Variants in MLEC observed in about 807,000 individuals in gnomAD.
MLEC encodes malectin.
In MLEC, 7 loss-of-function variants were observed where a neutral mutation model predicts 28.7. That is an observed-to-expected ratio of 0.24 (90% CI 0.14 to 0.46). The LOEUF (loss-of-function observed/expected upper bound fraction) is 0.46. Ranked by LOEUF, MLEC falls within the 20% of genes least tolerant of loss-of-function variation. The pLI is 0.99. For synonymous variants in MLEC, 142 were observed against 164.4 expected, an observed-to-expected ratio of 0.86 and a Z score of 1.04; for missense variants, 237 against 391.1, an observed-to-expected ratio of 0.61 and a Z score of 3.32.
chr12:120,693,930 C>T, intron 1 of MLEC, 161 bp from the exon 2 acceptor site: 2 of 589,066 alleles, frequency 3.4e-6, no homozygotes, highest in South Asian at 2.3e-5. Context: ...TGATTCCTGC[C>T]TTTGTTGGAG....
At position 120,701,680 on chromosome 12, in the gene MLEC, G is replaced by A. The variant is rs1022581280; in HGVS notation, c.*5135G>A. The A allele has an allele frequency of 2.0e-5, 3 of 152,718 alleles. No individual in the cohort carries two copies. Among genetic ancestry groups the A allele is most frequent in the African/African-American group, 7.2e-5 (3 of 41,434 alleles). 9.5% of individuals were successfully genotyped at this position (152,718 alleles called of 1,614,324 possible). A position where few individuals can be genotyped will look rare whatever the true frequency, so the allele number is the denominator to read the frequency against. ...GCGGCACAGTGAGATATAACTGATG[G>A]GCTTTGAACCTGGTTGGCCGGGGAA... On this transcript the variant is annotated 3_prime_UTR_variant, in exon 5 of 5. Transcript: ENST00000228506. This position sits in a 1 kb window ranked among gnomAD's most constrained non-coding sequence, Gnocchi z 4.0.
At chr12:120,693,698 C>G (rs1299591744) in intron 1 of MLEC, among the ~76,000 whole-genome samples, 1 of 152,180 alleles carries the variant, frequency 6.6e-6, no homozygotes, top group African/African-American at 2.4e-5. Flanking sequence ...GGCCATCCCC[C>G]TTGTTTTAGG....
rs548997455 is a variant in MLEC, at chr12:120,694,768, T to C, written c.415-56T>C. The C allele has an allele frequency of 1.3e-6, 2 of 1,517,918 alleles. No individual in the cohort carries two copies. Among genetic ancestry groups the C allele is most frequent in the South Asian group, 2.5e-5 (2 of 79,928 alleles). The allele number at this position is 1,517,918 out of a possible 1,614,324, so 94.0% of individuals were successfully genotyped here. On this transcript the variant is annotated intron_variant, in intron 2 of 4. Coordinates refer to ENST00000228506, the MANE Select transcript of MLEC (RefSeq NM_014730.4). This position sits in a 1 kb window ranked among gnomAD's most constrained non-coding sequence, Gnocchi z 4.5. ...AAACACGTGCATGATGTCCAACTGC[T>C]TGAAAGGATGTAAAGCTGATGGTTT...
chr12:120,687,600 C>T lies in MLEC; in HGVS notation c.235+69C>T, dbSNP rs1881875345. 8.6e-6 allele frequency: 11 copies of T among 1,276,156 alleles called. No homozygotes were observed. The highest frequency in any genetic ancestry group is 7.0e-5 in the South Asian group (4 of 56,918). 79.1% of individuals were successfully genotyped at this position (1,276,156 alleles called of 1,614,324 possible). The stretch of plus-strand genomic sequence containing the variant: ...GCTGGGCGCAGCCGGCCGGGGGCTG[C>T]GGGCCCCGAGCCCCTTTCGACCCTG... On this transcript the variant is annotated intron_variant, in intron 1 of 4. Transcript: ENST00000228506. The surrounding 1 kb of genome is among the most constrained non-coding windows in gnomAD (Gnocchi z 8.1).
rs1592921220 is a variant in MLEC at position 120,699,514 on chromosome 12, G to GT, written c.*2971dup. 1 of 152,294 alleles carries GT rather than the reference G, an allele frequency of 6.6e-6. No homozygotes were observed. Among genetic ancestry groups the GT allele is most frequent in the African/African-American group, 2.4e-5 (1 of 41,470 alleles). 9.4% of individuals were successfully genotyped at this position (152,294 alleles called of 1,614,324 possible). On this transcript the variant is annotated 3_prime_UTR_variant, in exon 5 of 5. Coordinates refer to ENST00000228506, the MANE Select transcript of MLEC (RefSeq NM_014730.4). The stretch of plus-strand genomic sequence containing the variant: ...TAGCTCTGACTTAGGTCAGGGGCCT[G>GT]TTGGTCTCTCATTGGACGTTTTTGG...
chr12:120,694,523 G>C lies in MLEC; in HGVS notation c.414+254G>C. Among the ~76,000 whole-genome samples the C allele has an allele frequency of 6.6e-6, 1 of 152,098 alleles. No homozygotes were observed. The highest frequency in any genetic ancestry group is 1.5e-5 in the Non-Finnish European group (1 of 68,018). ...TGGCTACTTCCCTCCATGGTTTGCC[G>C]CACCTTCTTGTTTTTAGCCTTATTT... is the stretch of plus-strand genomic sequence containing the variant. On this transcript the variant is annotated intron_variant, in intron 2 of 4. Transcript: ENST00000228506. The surrounding 1 kb of genome is among the most constrained non-coding windows in gnomAD (Gnocchi z 4.5).
At position 120,696,403 on chromosome 12, in the gene MLEC, A is replaced by G; in HGVS notation, c.737A>G (p.Lys246Arg). Residue 246 changes from lysine (K) to arginine (R), a missense_variant, in exon 5 of 5, where the codon AAA becomes AGA. Physicochemically the swap from Lys to Arg is conservative, Grantham distance 26. Coordinates refer to ENST00000228506, the MANE Select transcript of MLEC (RefSeq NM_014730.4). The surrounding 1 kb of genome is among the most constrained non-coding windows in gnomAD (Gnocchi z 5.4). ...GAATATGATGAAGGGTCTAATCTCA[A>G]AAAACAGACCAATAAGAACCGGGTG... is the stretch of plus-strand genomic sequence containing the variant. ...EEEYDEGSNL[K>R]KQTNKNRVQS... 1 of 1,614,184 alleles carries G rather than the reference A, an allele frequency of 6.2e-7. No individual in the cohort carries two copies. The highest frequency in any genetic ancestry group is 8.5e-7 in the Non-Finnish European group (1 of 1,180,036).
intron 1 of MLEC, among the ~76,000 whole-genome samples, chr12:120,692,217 G>A (rs889867994): frequency 6.6e-6 from 1 of 152,176 alleles, no homozygotes; most frequent in African/African-American, 2.4e-5. Flanking sequence ...AAAATTTTCT[G>A]TGTATCCGTA....
rs142383646 is a variant in MLEC at position 120,695,518 on chromosome 12, A to T, written c.649+366A>T. 6.4e-3 allele frequency among the ~76,000 whole-genome samples: 979 copies of T among 152,314 alleles called. 5 individuals are homozygous for T. The highest frequency in any genetic ancestry group is 0.01 in the Middle Eastern group (3 of 294). On this transcript the variant is annotated intron_variant, in intron 4 of 4. Coordinates refer to ENST00000228506, the MANE Select transcript of MLEC (RefSeq NM_014730.4). ...TGACATCTCTTTCCTAGGGGAAAAAAAGGTAAAAGGAGGAGTCCTGTAGGC... is the reference window on the plus strand; with the variant it reads ...TGACATCTCTTTCCTAGGGGAAAAATAGGTAAAAGGAGGAGTCCTGTAGGC...
intron 1 of MLEC, among the ~76,000 whole-genome samples, chr12:120,692,500 C>G (rs1287148641): frequency 6.6e-6 from 1 of 151,976 alleles, no homozygotes; most frequent in Admixed American, 6.6e-5. Context: ...CTTCCATTGT[C>G]TCATCAGTCC....
intron 1 of MLEC, among the ~76,000 whole-genome samples, chr12:120,688,914 G>A (rs1173881700): frequency 6.9e-6 from 1 of 144,450 alleles, no homozygotes; most frequent in African/African-American, 2.4e-5. Context: ...TATAGCAGGA[G>A]GTCATTACTA....
rs1333697567 is a variant in MLEC, at chr12:120,701,649, T to C, written c.*5104T>C. On this transcript the variant is annotated 3_prime_UTR_variant, in exon 5 of 5. Coordinates refer to ENST00000228506, the MANE Select transcript of MLEC (RefSeq NM_014730.4). This position sits in a 1 kb window ranked among gnomAD's most constrained non-coding sequence, Gnocchi z 4.0. ...TCTTTGCCAGCAGCCACAACATGCA[T>C]TGACAGCGGCACAGTGAGATATAAC... 1 of 152,648 alleles carries C rather than the reference T, an allele frequency of 6.6e-6. No homozygotes were observed. Among genetic ancestry groups the C allele is most frequent in the Non-Finnish European group, 1.5e-5 (1 of 68,118 alleles). 9.5% of individuals were successfully genotyped at this position (152,648 alleles called of 1,614,324 possible). A position where few individuals can be genotyped will look rare whatever the true frequency, so the allele number is the denominator to read the frequency against.
chr12:120,691,780 A>G (rs1292637863), intron 1 of MLEC, among the ~76,000 whole-genome samples: 1 of 152,054 alleles, frequency 6.6e-6, no homozygotes, highest in Non-Finnish European at 1.5e-5. Flanking sequence ...TTTTGTTCAC[A>G]TGGTTGAGTT....
In MLEC at chr12:120,695,162, G is replaced by A; in HGVS notation, c.649+10G>A. 1.9e-6 allele frequency: 3 copies of A among 1,614,148 alleles called. No homozygotes were observed. The highest frequency in any genetic ancestry group is 2.5e-6 in the Non-Finnish European group (3 of 1,180,008). The stretch of plus-strand genomic sequence containing the variant: ...GCTGGGACAGTGGATGGTAGGTTGT[G>A]TTCTGACCTGCTTTTTTGACTTGAG... On this transcript the variant is annotated intron_variant, in intron 4 of 4. Coordinates refer to ENST00000228506, the MANE Select transcript of MLEC (RefSeq NM_014730.4).
rs967352642 is a variant in MLEC at position 120,697,819 on chromosome 12, T to C, written c.*1274T>C. 5.3e-5 allele frequency: 8 copies of C among 152,256 alleles called. No homozygotes were observed. Among genetic ancestry groups the C allele is most frequent in the African/African-American group, 1.7e-4 (7 of 41,452 alleles). 9.4% of individuals were successfully genotyped at this position (152,256 alleles called of 1,614,324 possible). A position where few individuals can be genotyped will look rare whatever the true frequency, so the allele number is the denominator to read the frequency against. On this transcript the variant is annotated 3_prime_UTR_variant, in exon 5 of 5. Transcript: ENST00000228506. The surrounding 1 kb of genome is among the most constrained non-coding windows in gnomAD (Gnocchi z 4.8). Reference sequence around the variant, plus strand: ...CTAATTAGCTATATAGGCCCAGCGATGCTTCTTATTGATCTTAATAGTATG... The same window carrying C: ...CTAATTAGCTATATAGGCCCAGCGACGCTTCTTATTGATCTTAATAGTATG...
chr12:120,693,059 T>C (rs1246540394), intron 1 of MLEC, among the ~76,000 whole-genome samples: 2 of 152,236 alleles, frequency 1.3e-5, no homozygotes, highest in African/African-American at 2.4e-5. Flanking sequence ...TATATACAAC[T>C]GTCTTACACC....
Position 120,696,692 on chromosome 12 carries a change from G to A in MLEC, c.*147G>A. 8.3e-7 allele frequency: 1 copy of A among 1,211,332 alleles called. No homozygotes were observed. The highest frequency in any genetic ancestry group is 1.1e-6 in the Non-Finnish European group (1 of 880,830). 75.0% of individuals were successfully genotyped at this position (1,211,332 alleles called of 1,614,324 possible). On this transcript the variant is annotated 3_prime_UTR_variant, in exon 5 of 5. Coordinates refer to ENST00000228506, the MANE Select transcript of MLEC (RefSeq NM_014730.4). This position sits in a 1 kb window ranked among gnomAD's most constrained non-coding sequence, Gnocchi z 5.4. Reference sequence around the variant, plus strand: ...CAATTAAAGGAGACAAAAAGAGGCAGAGCGAGTAGAGAGCAGCCCTCATTC... The same window carrying A: ...CAATTAAAGGAGACAAAAAGAGGCAAAGCGAGTAGAGAGCAGCCCTCATTC...
intron 1 of MLEC, among the ~76,000 whole-genome samples, chr12:120,691,714 C>T (rs542057863): frequency 8.5e-5 from 13 of 152,336 alleles, no homozygotes; most frequent in African/African-American, 2.9e-4. Context: ...CTTGGGAAAG[C>T]CACTTGGGTT....
At position 120,687,431 on chromosome 12, in the gene MLEC, C is replaced by G. The variant is rs777689253; in HGVS notation, c.135C>G (p.Pro45=). 7.1e-7 allele frequency: 1 copy of G among 1,404,248 alleles called. No individual in the cohort carries two copies. The highest frequency in any genetic ancestry group is 1.5e-5 in the African/African-American group (1 of 66,810). 87.0% of individuals were successfully genotyped at this position (1,404,248 alleles called of 1,614,324 possible). The part of the protein sequence containing the change: ...GVAGAAGAGL[P]ESVIWAVNAG... ...CCGGCGCGGCGGGGGCCGGGCTGCC[C>G]GAGAGCGTCATTTGGGCGGTCAACG... The change falls in exon 1 of 5, where the codon CCC becomes CCG. Residue 45 remains proline (P), a synonymous_variant. Transcript: ENST00000228506. The surrounding 1 kb of genome is among the most constrained non-coding windows in gnomAD (Gnocchi z 8.1).
Sources: allele counts gnomAD v4.1 joint callset (sites outside exome capture counted in the v4.1 genomes callset), GRCh38; gene constraint gnomAD v4.1.1; non-coding constraint Gnocchi (gnomAD v3.1); transcripts MANE v1.5; gene names NCBI Gene and HGNC (gene_info 2026-07-23, HGNC 2026-07-21).